The following CAST variants were observed in gnomAD, a reference collection of about 807,000 sequenced individuals.
CAST encodes calpastatin.
A neutral mutation model predicts 119.6 loss-of-function variants in CAST; 76 were observed. That is an observed-to-expected ratio of 0.64 (90% CI 0.53 to 0.77). The LOEUF (loss-of-function observed/expected upper bound fraction) is 0.77. Among genes scored for constraint, CAST ranks in the 30% least tolerant of loss-of-function variants. The pLI, the probability that CAST is intolerant of heterozygous loss-of-function variation, is 0.00. For missense variants in CAST, 953 were observed against 946.5 expected (o/e 1.01, Z -0.09); for synonymous variants, 319 against 331.6 (o/e 0.96, Z 0.41).
Position 96,718,993 on chromosome 5 carries a change from C to T in CAST, c.211-3646C>T, listed in dbSNP as rs1038015200. On this transcript the variant is annotated intron_variant, in intron 3 of 31. Transcript: ENST00000675179. The stretch of plus-strand genomic sequence containing the variant: ...GCTGGAGGGGAGGCAGAGAGGATTC[C>T]TGTAATCCAGTGGGAGGTGCCTGGC... 2.0e-5 allele frequency among the ~76,000 whole-genome samples: 3 copies of T among 152,122 alleles called. No homozygotes were observed. In the South Asian group the frequency reaches 6.2e-4, roughly 32 times the overall value.
At chr5:96,702,699 G>A in intron 3 of CAST, 1 of 845,802 alleles carries the variant, frequency 1.2e-6, no homozygotes, top group Non-Finnish European at 1.4e-6. Flanking sequence ...CCACGGAGCG[G>A]GACCTCCCTC....
At chr5:96,335,489 C>T in the CAST span, among the ~76,000 whole-genome samples, 1 of 152,222 alleles carries the variant, frequency 6.6e-6, no homozygotes, top group Admixed American at 6.5e-5. Context: ...TCTCCTCTCC[C>T]TCCATCTACC....
chr5:96,498,036 G>T, the CAST span, among the ~76,000 whole-genome samples: 1 of 152,160 alleles, frequency 6.6e-6, no homozygotes, highest in Admixed American at 6.5e-5. Context: ...ATTCATTTTT[G>T]TATAAGGTGT....
At chr5:96,674,257 CT>C (rs956390917) in intron 1 of CAST, among the ~76,000 whole-genome samples, 1 of 151,476 alleles carries the variant, frequency 6.6e-6, no homozygotes, top group African/African-American at 2.4e-5. Flanking sequence ...ACATGAGCTT[CT>C]TTTTTGTATC....
At chr5:95,965,498 G>A in the CAST span, among the ~76,000 whole-genome samples, 1 of 152,170 alleles carries the variant, frequency 6.6e-6, no homozygotes, top group Non-Finnish European at 1.5e-5. Context: ...TCTTATTAAT[G>A]TCTTAATACA....
At chr5:96,277,454 C>T in the CAST span, among the ~76,000 whole-genome samples, 4 of 151,868 alleles carry the variant, frequency 2.6e-5, no homozygotes, top group African/African-American at 9.7e-5. Context: ...CTTTTATATG[C>T]TTATTGGTCA....
chr5:96,127,845 T>C, the CAST span, among the ~76,000 whole-genome samples: 1 of 152,092 alleles, frequency 6.6e-6, no homozygotes, highest in Non-Finnish European at 1.5e-5. Context: ...TAAACCCTGT[T>C]GGTAATGATA....
At chr5:96,612,567 G>A (rs7736961) in intron 1 of CAST, among the ~76,000 whole-genome samples, 7 of 152,018 alleles carry the variant, frequency 4.6e-5, no homozygotes, top group South Asian at 2.1e-4. Flanking sequence ...ATACATACCC[G>A]CTGAATCTAA....
chr5:96,179,050 T>C, the CAST span, among the ~76,000 whole-genome samples: 5 of 152,080 alleles, frequency 3.3e-5, no homozygotes, highest in Non-Finnish European at 7.4e-5. Context: ...TATAACTCAT[T>C]TATCTCTCTC....
the CAST span, among the ~76,000 whole-genome samples, chr5:96,071,423 C>G: frequency 9.2e-5 from 14 of 152,150 alleles, no homozygotes; most frequent in African/African-American, 3.1e-4. Flanking sequence ...TATCAGTCCC[C>G]AGGCATGAAC....
chr5:96,141,710 C>T, the CAST span, among the ~76,000 whole-genome samples: 1 of 152,166 alleles, frequency 6.6e-6, no homozygotes, highest in Non-Finnish European at 1.5e-5. Flanking sequence ...ATTCTGTGCT[C>T]TTCTGAGAAG....
At chr5:96,255,789 G>A in the CAST span, among the ~76,000 whole-genome samples, 1 of 152,076 alleles carries the variant, frequency 6.6e-6, no homozygotes, top group Admixed American at 6.6e-5. Context: ...CATTTCCCAA[G>A]GATAATATAT....
chr5:96,162,994 T>G, the CAST span, among the ~76,000 whole-genome samples: 2 of 152,240 alleles, frequency 1.3e-5, no homozygotes, highest in African/African-American at 4.8e-5. Flanking sequence ...TTTCAATGTT[T>G]AGTAGAATTC....
chr5:96,760,639 A>C (rs1767605709), intron 24 of CAST, among the ~76,000 whole-genome samples: 1 of 151,896 alleles, frequency 6.6e-6, no homozygotes, highest in South Asian at 2.1e-4. Flanking sequence ...AAGTAACATT[A>C]TGCCATGTTT....
At chr5:96,345,543 A>C in the CAST span, among the ~76,000 whole-genome samples, 4 of 152,224 alleles carry the variant, frequency 2.6e-5, no homozygotes, top group South Asian at 8.3e-4. Context: ...ACACTATATT[A>C]TTCCCATAAT....
chr5:96,359,211 C>T, the CAST span, among the ~76,000 whole-genome samples: 6 of 152,230 alleles, frequency 3.9e-5, no homozygotes, highest in Non-Finnish European at 7.4e-5. Flanking sequence ...ATCCCTTTAT[C>T]TTGAGCCTAT....
the CAST span, among the ~76,000 whole-genome samples, chr5:96,103,957 G>A: frequency 1.3e-5 from 2 of 151,910 alleles, no homozygotes; most frequent in East Asian, 3.9e-4. Context: ...GCCAGTGATG[G>A]TGAGCATTTT....
chr5:96,196,228 G>T, the CAST span, among the ~76,000 whole-genome samples: 1 of 151,970 alleles, frequency 6.6e-6, no homozygotes, highest in Non-Finnish European at 1.5e-5. Context: ...AACATTTTTT[G>T]AATTTCTAAC....
chr5:96,762,505 G>A, intron 25 of CAST, 133 bp downstream of exon 25: 4 of 569,360 alleles, frequency 7.0e-6, no homozygotes, highest in South Asian at 5.9e-5. Flanking sequence ...TATTTCAGAA[G>A]AGCCGAGACT....
Sources: gnomAD v4.1 joint callset for allele counts (sites outside exome capture counted in the v4.1 genomes callset) on GRCh38, gnomAD v4.1.1 for gene constraint, MANE v1.5 for transcripts, NCBI Gene and HGNC (gene_info 2026-07-23, HGNC 2026-07-21) for gene names.